RARB: variants seen among roughly 807,000 people sequenced by gnomAD.
The protein encoded by RARB is retinoic acid receptor beta.
RARB carries 17 observed loss-of-function variants against 51.9 expected under a neutral mutation model. That is an observed-to-expected ratio of 0.33 (90% CI 0.22 to 0.49). The LOEUF (loss-of-function observed/expected upper bound fraction) is 0.49. RARB is among the 20% of genes least tolerant of loss of function. The pLI, the probability that RARB is intolerant of heterozygous loss-of-function variation, is 0.99. For missense variants in RARB, 369 were observed against 550.8 expected (o/e 0.67, Z 3.30); for synonymous variants, 215 against 195.4 (o/e 1.10, Z -0.84).
At chr3:25,432,207 GA>G (rs1263001496) in intron 1 of RARB, among the ~76,000 whole-genome samples, 2 of 151,884 alleles carry the variant, frequency 1.3e-5, no homozygotes, top group Admixed American at 1.3e-4. Flanking sequence ...CTTCCTTGTA[GA>G]AAAAAAGAAA....
chr3:25,319,955 C>T (rs1352294441), intron 5 of RARB, among the ~76,000 whole-genome samples: 1 of 151,840 alleles, frequency 6.6e-6, no homozygotes, highest in East Asian at 1.9e-4. Context: ...TGGTCAAAAG[C>T]TTGCCGTAAA....
chr3:25,326,935 C>T (rs1461055934), intron 5 of RARB, among the ~76,000 whole-genome samples: 1 of 151,928 alleles, frequency 6.6e-6, no homozygotes, highest in African/African-American at 2.4e-5. Context: ...GTGTGCTGCA[C>T]CCATTAACTC....
chr3:25,065,443 A>C (rs1353092829), intron 3 of RARB, among the ~76,000 whole-genome samples: 2 of 152,218 alleles, frequency 1.3e-5, no homozygotes, highest in African/African-American at 2.4e-5. Flanking sequence ...GAATCTTTGA[A>C]GTCTACAAGC....
intron 4 of RARB, among the ~76,000 whole-genome samples, chr3:25,164,600 A>G (rs77847746): frequency 0.016 from 2,447 of 152,328 alleles, 56 homozygotes; most frequent in African/African-American, 0.055. Context: ...ATTTTCTAGA[A>G]TAGATATACC....
At chr3:25,063,708 CTTT>C (rs749930990) in intron 3 of RARB, among the ~76,000 whole-genome samples, 1,427 of 138,194 alleles carry the variant, frequency 0.01, 12 homozygotes, top group African/African-American at 0.027. Context: ...TAGTTTGAGA[CTTT>C]TTTTTTTTTT....
At chr3:25,196,157 G>A (rs752569597) in intron 5 of RARB, among the ~76,000 whole-genome samples, 4 of 151,872 alleles carry the variant, frequency 2.6e-5, no homozygotes, top group Non-Finnish European at 5.9e-5. Context: ...TGCCATGTTG[G>A]TGTGCTGCAC....
chr3:24,875,163 C>A (rs1703016962), intron 2 of RARB, among the ~76,000 whole-genome samples: 1 of 151,732 alleles, frequency 6.6e-6, no homozygotes, highest in Non-Finnish European at 1.5e-5. Flanking sequence ...TTGTTTTTTT[C>A]ATTTTAAACT....
At chr3:25,313,917 A>C (rs1275767159) in intron 5 of RARB, among the ~76,000 whole-genome samples, 1 of 151,968 alleles carries the variant, frequency 6.6e-6, no homozygotes, top group African/African-American at 2.4e-5. Flanking sequence ...AAAAAAGAAA[A>C]AAAATTAGCT....
intron 2 of RARB, among the ~76,000 whole-genome samples, chr3:24,975,995 C>G (rs1353907844): frequency 6.6e-6 from 1 of 152,166 alleles, no homozygotes; most frequent in Non-Finnish European, 1.5e-5. Context: ...GTTCAACTCC[C>G]ACTTATGAGT....
chr3:25,523,451 C>T (rs916270394), intron 3 of RARB, among the ~76,000 whole-genome samples: 30 of 152,194 alleles, frequency 2.0e-4, no homozygotes, highest in African/African-American at 6.5e-4. Flanking sequence ...TAAAGACTCA[C>T]GAATTCAAGA....
At chr3:25,379,043 G>A (rs776391042) in intron 5 of RARB, among the ~76,000 whole-genome samples, 1 of 152,168 alleles carries the variant, frequency 6.6e-6, no homozygotes, top group Non-Finnish European at 1.5e-5. Flanking sequence ...CTCGGCAACA[G>A]CCAGCTTCTT....
At chr3:25,285,354 T>C (rs1464778151) in intron 5 of RARB, among the ~76,000 whole-genome samples, 1 of 152,054 alleles carries the variant, frequency 6.6e-6, no homozygotes, top group African/African-American at 2.4e-5. Context: ...GAAGGCTCAT[T>C]GTTTGATGCT....
intron 1 of RARB, among the ~76,000 whole-genome samples, chr3:24,834,625 A>G (rs998273752): frequency 2.6e-5 from 4 of 152,184 alleles, no homozygotes; most frequent in East Asian, 1.9e-4. Context: ...ACCTCTCTCA[A>G]AAGAGCAGTG....
intron 2 of RARB, among the ~76,000 whole-genome samples, chr3:25,052,052 G>A (rs776529984): frequency 2.0e-5 from 3 of 152,060 alleles, no homozygotes; most frequent in Admixed American, 2.0e-4. Flanking sequence ...GCTCCATCTC[G>A]GTATATGCTT....
chr3:25,585,014 G>A (rs1358247677), intron 5 of RARB, among the ~76,000 whole-genome samples: 1 of 146,784 alleles, frequency 6.8e-6, no homozygotes, highest in Non-Finnish European at 1.5e-5. Context: ...CCTTCAGCTT[G>A]CCCCAGCTGT....
chr3:25,440,717 G>A (rs892650040), intron 1 of RARB, among the ~76,000 whole-genome samples: 5 of 151,970 alleles, frequency 3.3e-5, no homozygotes, highest in Admixed American at 6.6e-5. Context: ...AGGTTGCAGT[G>A]AGCCGAGATC....
intron 4 of RARB, among the ~76,000 whole-genome samples, chr3:25,172,203 A>T (rs147255231): frequency 6.6e-6 from 1 of 152,330 alleles, no homozygotes; most frequent in African/African-American, 2.4e-5. Flanking sequence ...CATCTAAGTG[A>T]GGACAGAAGC....
intron 2 of RARB, among the ~76,000 whole-genome samples, chr3:24,960,970 GAGGGGCCTGTGAC>G (rs1206030803): frequency 6.6e-6 from 1 of 152,108 alleles, no homozygotes; most frequent in Non-Finnish European, 1.5e-5. Flanking sequence ...GGGCCTGTGA[GAGGGGCCTGTGAC>G]AGGGGCCAGG....
intron 2 of RARB, among the ~76,000 whole-genome samples, chr3:24,920,882 C>T (rs1695203160): frequency 6.6e-6 from 1 of 152,162 alleles, no homozygotes; most frequent in Non-Finnish European, 1.5e-5. Flanking sequence ...GACAGTTCTA[C>T]ATAATTGATA....
Sources: gnomAD v4.1 joint callset for allele counts (sites outside exome capture counted in the v4.1 genomes callset) on GRCh38, gnomAD v4.1.1 for gene constraint, MANE v1.5 for transcripts, NCBI Gene and HGNC (gene_info 2026-07-23, HGNC 2026-07-21) for gene names.